MTMR8: variants seen among roughly 807,000 people sequenced by gnomAD.
MTMR8 encodes myotubularin related protein 8.
MTMR8 carries 65 observed loss-of-function variants against 39.3 expected under a neutral mutation model. The observed-to-expected ratio is 1.65, with a 90% CI of 1.35 to 2.03. The LOEUF is 2.03. Ranked by LOEUF, MTMR8 falls within the 30% of genes most tolerant of loss-of-function variation. MTMR8 has a pLI of 0.00. For synonymous variants in MTMR8, 245 were observed against 185.2 expected (o/e 1.32, Z -2.62); for missense variants, 777 against 538.9 (o/e 1.44, Z -4.37).
chrX:64,351,737 A>C (rs1923492245), intron 4 of MTMR8, among the ~76,000 whole-genome samples: 1 of 111,523 alleles, frequency 9.0e-6, no homozygotes, highest in Non-Finnish European at 1.9e-5. Context: ...CCAAAAGCTG[A>C]AGTACTTGAA....
At chrX:64,272,598 G>C (rs1425039916) in intron 12 of MTMR8, among the ~76,000 whole-genome samples, 1 of 111,330 alleles carries the variant, frequency 9.0e-6, no homozygotes, top group African/African-American at 3.3e-5. Context: ...GGAAGGACTA[G>C]AAATCTTATT....
At chrX:64,278,720 C>A (rs1322157781) in intron 12 of MTMR8, among the ~76,000 whole-genome samples, 1 of 110,080 alleles carries the variant, frequency 9.1e-6, no homozygotes, top group African/African-American at 3.3e-5. Context: ...GATCTGCCCG[C>A]CTCGGCCTTC....
intron 12 of MTMR8, among the ~76,000 whole-genome samples, chrX:64,297,501 G>C (rs1921658578): frequency 1.2e-5 from 1 of 85,266 alleles, no homozygotes. Context: ...AGATGAGTAG[G>C]TTGCGAAAAT....
intron 1 of MTMR8, among the ~76,000 whole-genome samples, chrX:64,389,843 G>T (rs1207359393): frequency 1.8e-5 from 2 of 111,687 alleles, no homozygotes; most frequent in Non-Finnish European, 3.8e-5. Flanking sequence ...GATTGCCCAA[G>T]AACTCAGAGC....
chrX:64,392,815 A>G (rs1924724288), intron 1 of MTMR8, among the ~76,000 whole-genome samples: 1 of 111,765 alleles, frequency 8.9e-6, no homozygotes, highest in Non-Finnish European at 1.9e-5. Context: ...CTAATGACTG[A>G]CAAACTCAAA....
chrX:64,356,275 T>G lies in MTMR8; in HGVS notation c.211A>C (p.Thr71Pro). The G allele has an allele frequency of 8.3e-7, 1 of 1,208,040 alleles. No homozygotes were observed. The highest frequency in any genetic ancestry group is 1.8e-5 in the African/African-American group (1 of 57,136). The change falls in exon 3 of 14, where the codon ACC (threonine) becomes CCC (proline). Residue 71 changes from threonine to proline, a missense_variant. Transcript: ENST00000374852. The part of the protein sequence containing the change: ...LPITSLGCPL[T>P]LRCKNFRVAH... Reference sequence around the variant, plus strand: ...ACCCGGAAATTCTTGCAGCGGAGGGTCAGGGGACAACCCAGGCTAGTGATG... The same window carrying G: ...ACCCGGAAATTCTTGCAGCGGAGGGGCAGGGGACAACCCAGGCTAGTGATG...
chrX:64,316,844 C>T (rs1354245493), intron 12 of MTMR8, among the ~76,000 whole-genome samples: 2 of 110,477 alleles, frequency 1.8e-5, no homozygotes, highest in Non-Finnish European at 3.8e-5. Context: ...GGTGCAGTGG[C>T]TCACGGCTGT....
At chrX:64,317,573 C>CT (rs747434138) in intron 12 of MTMR8, among the ~76,000 whole-genome samples, 2 of 111,661 alleles carry the variant, frequency 1.8e-5, no homozygotes, top group Admixed American at 9.5e-5. Context: ...TTTGCTGAGA[C>CT]TTTTTTCATT....
chrX:64,305,431 G>A (rs771431826), intron 12 of MTMR8: 1 of 278,918 alleles, frequency 3.6e-6, no homozygotes, highest in Admixed American at 5.1e-5. Context: ...ATCTGCAGCT[G>A]ATTACCTGCA....
intron 12 of MTMR8, among the ~76,000 whole-genome samples, chrX:64,301,104 C>T (rs2147200671): frequency 9.4e-6 from 1 of 106,940 alleles, no homozygotes; most frequent in Non-Finnish European, 1.9e-5. Flanking sequence ...TCTGTATTTC[C>T]TGAATCTGAA....
At chrX:64,375,468 G>GA (rs1242607872) in intron 1 of MTMR8, among the ~76,000 whole-genome samples, 1 of 112,044 alleles carries the variant, frequency 8.9e-6, no homozygotes, top group African/African-American at 3.2e-5. Context: ...AGCAAGGAAA[G>GA]TTATCAGGAA....
chrX:64,339,157 A>G lies in MTMR8; in HGVS notation c.976-1764T>C, dbSNP rs989918840. Among the ~76,000 whole-genome samples, 4 of 111,330 alleles carry G rather than the reference A, an allele frequency of 3.6e-5. No individual in the cohort carries two copies. The South Asian group carries it at 1.5e-3, about 42-fold the overall frequency. ...AGAGATAGTAGTATACACTGTGTGC[A>G]TAGTTGATGCTGCCCAGGCAGAGAC... is the stretch of plus-strand genomic sequence containing the variant. On this transcript the variant is annotated intron_variant, in intron 8 of 13. Coordinates refer to ENST00000374852, the MANE Select transcript of MTMR8 (RefSeq NM_017677.4).
At chrX:64,349,616 C>T (rs1427833825) in intron 5 of MTMR8, among the ~76,000 whole-genome samples, 1 of 111,493 alleles carries the variant, frequency 9.0e-6, no homozygotes, top group Non-Finnish European at 1.9e-5. Flanking sequence ...TGGGAGGCCA[C>T]AGCCCCCAAA....
chrX:64,352,678 A>C lies in MTMR8; in HGVS notation c.468+2099T>G, dbSNP rs577279339. On this transcript the variant is annotated intron_variant, in intron 4 of 13. Transcript: ENST00000374852. ...AACCAGGAAAGCTGGGATGCATATT[A>C]AATTCCTTCACTTTTCTAGCCACAT... 2.7e-5 allele frequency among the ~76,000 whole-genome samples: 3 copies of C among 111,670 alleles called. No individual in the cohort carries two copies. In the Admixed American group the frequency reaches 2.9e-4, roughly 11 times the overall value.
chrX:64,310,225 A>G (rs1388761790), intron 12 of MTMR8, among the ~76,000 whole-genome samples: 1 of 112,173 alleles, frequency 8.9e-6, no homozygotes, highest in East Asian at 2.8e-4. Context: ...CATCTTTACT[A>G]GGAGTAAATT....
intron 12 of MTMR8, among the ~76,000 whole-genome samples, chrX:64,313,006 T>C (rs1407676906): frequency 8.9e-6 from 1 of 112,303 alleles, no homozygotes; most frequent in Non-Finnish European, 1.9e-5. Flanking sequence ...ATAGATTTAT[T>C]ATAATTGTTA....
At chrX:64,275,825 A>G (rs1931861543) in intron 12 of MTMR8, among the ~76,000 whole-genome samples, 1 of 111,401 alleles carries the variant, frequency 9.0e-6, no homozygotes. Flanking sequence ...AAAAAAGATC[A>G]TAAGGACAAC....
chrX:64,284,154 G>T (rs1357025043), intron 12 of MTMR8, among the ~76,000 whole-genome samples: 1 of 112,074 alleles, frequency 8.9e-6, no homozygotes, highest in African/African-American at 3.3e-5. Flanking sequence ...TGAAAACCAT[G>T]GCACAAGAAC....
chrX:64,305,744 A>G (rs1922088235), intron 12 of MTMR8: 1 of 462,718 alleles, frequency 2.2e-6, no homozygotes, highest in Non-Finnish European at 4.0e-6. Flanking sequence ...ATGTATGATG[A>G]ATTAGAACAC....
Sources: gnomAD v4.1 joint callset for allele counts (sites outside exome capture counted in the v4.1 genomes callset) on GRCh38, gnomAD v4.1.1 for gene constraint, MANE v1.5 for transcripts, NCBI Gene and HGNC (gene_info 2026-07-23, HGNC 2026-07-21) for gene names.